The following GNE variants were observed in gnomAD, a reference collection of about 807,000 sequenced individuals.
GNE encodes the protein glucosamine (UDP-N-acetyl)-2-epimerase/N-acetylmannosamine kinase.
GNE carries 41 observed loss-of-function variants against 61.8 expected under a neutral mutation model. That is an observed-to-expected ratio of 0.66 (90% confidence interval 0.52 to 0.86). GNE has a LOEUF of 0.86. Among genes scored for constraint, GNE ranks in the 40% least tolerant of loss-of-function variants. The probability of loss-of-function intolerance (pLI) is 0.00; values close to 1 mark genes in which losing one functional copy is unlikely to be tolerated. For missense variants in GNE, 608 were observed against 909.1 expected (o/e 0.67, Z 4.26); for synonymous variants, 264 against 326.4 (o/e 0.81, Z 2.06).
Position 36,214,791 on chromosome 9 carries a change from G to C in GNE, c.*2574C>G, listed in dbSNP as rs1251148218. The stretch of plus-strand genomic sequence containing the variant: ...AGCTTCCTTCCCAGGAATCACCATG[G>C]AATGTCTGAACAATAACCAGGCCCT... On this transcript the variant is annotated 3_prime_UTR_variant, in exon 12 of 12. Coordinates refer to ENST00000642385, the MANE Select transcript of GNE (RefSeq NM_005476.7). 1 of 152,182 alleles carries C rather than the reference G, an allele frequency of 6.6e-6. No homozygotes were observed. The highest frequency in any genetic ancestry group is 6.6e-5 in the Admixed American group (1 of 15,266). 9.4% of individuals were successfully genotyped at this position (152,182 alleles called of 1,614,324 possible). A position where few individuals can be genotyped will look rare whatever the true frequency, so the allele number is the denominator to read the frequency against.
At chr9:36,249,816 G>A (rs987229583) in intron 1 of GNE, among the ~76,000 whole-genome samples, 4 of 151,836 alleles carry the variant, frequency 2.6e-5, no homozygotes, top group African/African-American at 4.8e-5. Context: ...CCCAGGAGGC[G>A]GAGCTTGCAG....
chr9:36,269,276 C>T (rs1307571103), intron 1 of GNE, among the ~76,000 whole-genome samples: 2 of 151,832 alleles, frequency 1.3e-5, no homozygotes, highest in Non-Finnish European at 2.9e-5. Context: ...TGCCCCTTAA[C>T]ATGAACACTC....
At chr9:36,228,142 A>C (rs1828978357) in intron 6 of GNE, among the ~76,000 whole-genome samples, 1 of 151,880 alleles carries the variant, frequency 6.6e-6, no homozygotes, top group Non-Finnish European at 1.5e-5. Flanking sequence ...AATACATACA[A>C]TTTTATCTGT....
chr9:36,270,134 C>G (rs1830968880), intron 1 of GNE, among the ~76,000 whole-genome samples: 1 of 151,812 alleles, frequency 6.6e-6, no homozygotes, highest in African/African-American at 2.4e-5. Context: ...GCTAATTTAT[C>G]AAAACTTTTG....
Position 36,216,326 on chromosome 9 carries a change from G to GGTGTGTGTGTGTGTGTGTGTGT in GNE, c.*1038_*1039insACACACACACACACACACACAC, listed in dbSNP as rs1563923938. ...CTTAGTTTGGGGTTAGAGGAGGAAG[G>GGTGTGTGTGTGTGTGTGTGTGT]ATGTGTGTGTGTGTGTGTGTGTGTG... is the stretch of plus-strand genomic sequence containing the variant. On this transcript the variant is annotated 3_prime_UTR_variant, in exon 12 of 12. Transcript: ENST00000642385. 4.1e-5 allele frequency: 8 copies of GGTGTGTGTGTGTGTGTGTGTGT among 196,368 alleles called. No homozygotes were observed. Among genetic ancestry groups the GGTGTGTGTGTGTGTGTGTGTGT allele is most frequent in the South Asian group, 1.5e-4 (6 of 39,532 alleles). The allele number at this position is 196,368 out of a possible 1,614,324, so 12.2% of individuals were successfully genotyped here. A position where few individuals can be genotyped will look rare whatever the true frequency, so the allele number is the denominator to read the frequency against.
chr9:36,234,740 T>C (rs550059922), intron 4 of GNE, among the ~76,000 whole-genome samples: 17 of 152,194 alleles, frequency 1.1e-4, no homozygotes, highest in African/African-American at 4.1e-4. Flanking sequence ...AACTACCCCA[T>C]ACCTAGGGAG....
At chr9:36,268,635 C>A (rs986162407) in intron 1 of GNE, among the ~76,000 whole-genome samples, 1 of 151,818 alleles carries the variant, frequency 6.6e-6, no homozygotes, top group Non-Finnish European at 1.5e-5. Context: ...GCCACTGCAT[C>A]TCAGCCTGGG....
At chr9:36,220,208 A>C (rs149950848) in intron 9 of GNE, among the ~76,000 whole-genome samples, 188 bp from the exon 10 acceptor site, 1 of 152,302 alleles carries the variant, frequency 6.6e-6, no homozygotes, top group East Asian at 1.9e-4. Flanking sequence ...TTTTTAGCAG[A>C]TCCTCTGATG....
chr9:36,237,506 G>A (rs191614567), intron 3 of GNE, among the ~76,000 whole-genome samples: 1 of 152,228 alleles, frequency 6.6e-6, no homozygotes, highest in Admixed American at 6.5e-5. Flanking sequence ...CTCATCCCTA[G>A]GCTGGGATCC....
In GNE at chr9:36,223,599, T is replaced by C. The variant is rs1313428736; in HGVS notation, c.1282-97A>G. On this transcript the variant is annotated intron_variant, in intron 7 of 11. Transcript: ENST00000642385. ...TTTCATGACAAATTAGACACTGCTA[T>C]AGGATGGCCCCGCAGTCTTAGATGA... 8 of 1,284,924 alleles carry C rather than the reference T, an allele frequency of 6.2e-6. No homozygotes were observed. In the Admixed American group the frequency reaches 1.0e-4, roughly 16 times the overall value. The allele number at this position is 1,284,924 out of a possible 1,614,324, so 79.6% of individuals were successfully genotyped here.
chr9:36,236,959 G>A lies in GNE; in HGVS notation c.642C>T (p.Tyr214=). The change falls in exon 4 of 12, where the codon TAC becomes TAT. Residue 214 remains tyrosine, a synonymous_variant. Transcript: ENST00000642385. The part of the protein sequence containing the change: ...WLGDDVKSKD[Y]IVALQHPVTT... ...TCACAGGGTGCTGTAGTGCAACAAT[G>A]TAATCTTTAGATTTTACATCATCAC... 1 of 1,611,216 alleles carries A rather than the reference G, an allele frequency of 6.2e-7. No individual in the cohort carries two copies. Among genetic ancestry groups the A allele is most frequent in the African/African-American group, 1.3e-5 (1 of 74,994 alleles).
rs1212623980 is a variant in GNE, at chr9:36,222,925, C to T, written c.1485G>A (p.Trp495Ter). ...GGGGGGTCCTAAGGTCCACAGAGTTCCACTCTTGGATCAGTTTGGTTGAAT... is the reference window on the plus strand; with the variant it reads ...GGGGGGTCCTAAGGTCCACAGAGTTTCACTCTTGGATCAGTTTGGTTGAAT... Reference protein sequence around the residue: ...VLHSTKLIQEWNSVDLRTPLS... With the variant: ...VLHSTKLIQE Residue 495 changes from tryptophan (W) to a stop codon, truncating the protein, a stop_gained, in exon 9 of 12, where the codon TGG becomes TGA. Transcript: ENST00000642385. LOFTEE classifies it high-confidence loss of function. 4 of 1,614,016 alleles carry T rather than the reference C, an allele frequency of 2.5e-6. No homozygotes were observed. Among genetic ancestry groups the T allele is most frequent in the South Asian group, 1.1e-5 (1 of 91,084 alleles).
chr9:36,224,358 T>C (rs1184992327), intron 7 of GNE, among the ~76,000 whole-genome samples: 1 of 151,990 alleles, frequency 6.6e-6, no homozygotes, highest in Non-Finnish European at 1.5e-5. Context: ...TTCTTGAGCC[T>C]GGGAAGTTCA....
chr9:36,236,154 T>C (rs1563939835), intron 4 of GNE, among the ~76,000 whole-genome samples: 3 of 152,126 alleles, frequency 2.0e-5, no homozygotes, highest in African/African-American at 4.8e-5. Flanking sequence ...TTAGTGGCTA[T>C]TTTACTGTGG....
intron 4 of GNE, among the ~76,000 whole-genome samples, chr9:36,236,206 CT>C (rs974986312): frequency 5.5e-4 from 81 of 147,092 alleles, no homozygotes; most frequent in Non-Finnish European, 6.0e-4. Context: ...TTCACTTCAA[CT>C]TTTTTTTTTT....
At chr9:36,242,123 T>A (rs1829654018) in intron 3 of GNE, among the ~76,000 whole-genome samples, 1 of 149,600 alleles carries the variant, frequency 6.7e-6, no homozygotes, top group Admixed American at 6.7e-5. Flanking sequence ...GTGACAGAAC[T>A]CCAGCCTTGG....
chr9:36,272,392 C>G (rs1201136628), intron 1 of GNE, among the ~76,000 whole-genome samples: 1 of 151,994 alleles, frequency 6.6e-6, no homozygotes, highest in Non-Finnish European at 1.5e-5. Flanking sequence ...GAGGCCGAGG[C>G]AGGTGGATCA....
intron 2 of GNE, among the ~76,000 whole-genome samples, chr9:36,246,954 C>T (rs775437135): frequency 1.2e-4 from 18 of 152,120 alleles, no homozygotes; most frequent in Non-Finnish European, 2.2e-4. Context: ...CACGCGTGAG[C>T]GACTGCACCC....
Position 36,248,513 on chromosome 9 carries a change from A to G in GNE, c.164+679T>C, listed in dbSNP as rs190943034. ...TTTTTTTTGTATTTTTCGTAGAGAT[A>G]GGGTTTCACCATGTTGGCCAGGCTG... On this transcript the variant is annotated intron_variant, in intron 2 of 11. Transcript: ENST00000642385. Among the ~76,000 whole-genome samples the G allele has an allele frequency of 2.3e-4, 34 of 150,822 alleles. No homozygotes were observed. In the East Asian group the frequency reaches 5.7e-3, roughly 25 times the overall value.
Sources: allele counts gnomAD v4.1 joint callset (sites outside exome capture counted in the v4.1 genomes callset), GRCh38; gene constraint gnomAD v4.1.1; transcripts MANE v1.5; gene names NCBI Gene and HGNC (gene_info 2026-07-23, HGNC 2026-07-21).